Variants in ATF6 observed in about 807,000 individuals in gnomAD.
ATF6 encodes activating transcription factor 6.
ATF6 carries 53 observed loss-of-function variants against 83.6 expected under a neutral mutation model. The ratio of observed to expected loss-of-function variants is 0.63; its 90% confidence interval spans 0.51 to 0.80. The LOEUF (loss-of-function observed/expected upper bound fraction) is 0.80. Among genes scored for constraint, ATF6 ranks in the 30% least tolerant of loss-of-function variants. The probability of loss-of-function intolerance (pLI) is 0.00; values close to 1 mark genes in which losing one functional copy is unlikely to be tolerated. For missense variants in ATF6, 744 were observed against 797.9 expected, an observed-to-expected ratio of 0.93 and a Z score of 0.81; for synonymous variants, 288 against 285.8, an observed-to-expected ratio of 1.01 and a Z score of -0.08.
rs1299277099 is a variant in ATF6 at position 161,802,180 on chromosome 1, G to A, written c.817G>A (p.Val273Ile). Reference protein sequence around the residue: ...TQLPNHVVNVVPAPSANSPVN... With the variant: ...TQLPNHVVNVIPAPSANSPVN... ...GCTCCCTAATCACGTGGTGAATGTG[G>A]TACCAGCCCCTTCAGCGAATAGCCC... Residue 273 changes from valine (V) to isoleucine (I), a missense_variant, in exon 7 of 16, where the codon GTA becomes ATA. Transcript: ENST00000367942. The A allele has an allele frequency of 5.6e-6, 9 of 1,614,072 alleles. No individual in the cohort carries two copies. Among genetic ancestry groups the A allele is most frequent in the Non-Finnish European group, 6.8e-6 (8 of 1,180,016 alleles).
At chr1:161,798,867 T>C (rs1349740727) in intron 6 of ATF6, among the ~76,000 whole-genome samples, 1 of 152,110 alleles carries the variant, frequency 6.6e-6, no homozygotes, top group African/African-American at 2.4e-5. Context: ...CACTAATCAT[T>C]AGAGAAATGT....
At chr1:161,804,180 A>G (rs1209423594) in intron 7 of ATF6, among the ~76,000 whole-genome samples, 1 of 152,084 alleles carries the variant, frequency 6.6e-6, no homozygotes, top group Admixed American at 6.6e-5. Flanking sequence ...TGTTTCTTAT[A>G]TAATACCCCC....
intron 11 of ATF6, among the ~76,000 whole-genome samples, chr1:161,852,781 T>G (rs1686661975): frequency 6.6e-6 from 1 of 152,048 alleles, no homozygotes; most frequent in Non-Finnish European, 1.5e-5. Flanking sequence ...CCCAGTTAAT[T>G]TTTTAAAAAA....
At chr1:161,830,202 CTTCAAAG>C (rs1686017873) in intron 9 of ATF6, among the ~76,000 whole-genome samples, 1 of 152,178 alleles carries the variant, frequency 6.6e-6, no homozygotes, top group African/African-American at 2.4e-5. Flanking sequence ...TTCACAATTG[CTTCAAAG>C]AGAATAAAAT....
chr1:161,963,084 A>G lies in ATF6; in HGVS notation c.*4430A>G, dbSNP rs1360510270. ...GATTGGGATTGATTTTTAATTTCCTAGGAAACAATACTAGACTACCCAAAA... is the reference window on the plus strand; with the variant it reads ...GATTGGGATTGATTTTTAATTTCCTGGGAAACAATACTAGACTACCCAAAA... On this transcript the variant is annotated 3_prime_UTR_variant, in exon 16 of 16. Transcript: ENST00000367942. The G allele has an allele frequency of 1.3e-5, 2 of 152,228 alleles. No individual in the cohort carries two copies. Among genetic ancestry groups the G allele is most frequent in the Non-Finnish European group, 2.9e-5 (2 of 68,030 alleles). 9.4% of individuals were successfully genotyped at this position (152,228 alleles called of 1,614,324 possible). A position where few individuals can be genotyped will look rare whatever the true frequency, so the allele number is the denominator to read the frequency against.
intron 14 of ATF6, among the ~76,000 whole-genome samples, chr1:161,898,462 A>T (rs989144005): frequency 1.3e-5 from 2 of 152,200 alleles, no homozygotes; most frequent in African/African-American, 4.8e-5. Context: ...TGAACACTCA[A>T]TTAAATCCCC....
chr1:161,766,778 A>G (rs6656956), intron 1 of ATF6, among the ~76,000 whole-genome samples: 1,999 of 152,360 alleles, frequency 0.013, 51 homozygotes, highest in African/African-American at 0.045. Flanking sequence ...AAAGGCTACA[A>G]GCTATTTCCT....
Position 161,821,122 on chromosome 1 carries a change from T to C in ATF6, c.1148T>C (p.Ile383Thr), listed in dbSNP as rs867820530. The change falls in exon 9 of 16, where the codon ATA becomes ACA. Residue 383 changes from isoleucine to threonine, a missense_variant. By Grantham distance (89) the Ile-to-Thr change is moderately conservative (BLOSUM62 -1). Coordinates refer to ENST00000367942, the MANE Select transcript of ATF6 (RefSeq NM_007348.4). ...SPKRRVVCVM[I>T]VLAFIILNYG... ...AAGCGAAGAGTTGTCTGTGTGATGA[T>C]AGTATTGGCATTTATAATACTGAAC... The C allele has an allele frequency of 2.5e-6, 4 of 1,613,202 alleles. No individual in the cohort carries two copies. The Middle Eastern group carries it at 6.6e-4, about 266-fold the overall frequency.
chr1:161,831,087 C>G (rs1158540254), intron 9 of ATF6, among the ~76,000 whole-genome samples: 1 of 152,206 alleles, frequency 6.6e-6, no homozygotes, highest in South Asian at 2.1e-4. Context: ...ACAAAGAACT[C>G]AAACAAATTT....
At chr1:161,877,412 G>C (rs1181166376) in intron 14 of ATF6, among the ~76,000 whole-genome samples, 1 of 152,056 alleles carries the variant, frequency 6.6e-6, no homozygotes, top group Non-Finnish European at 1.5e-5. Context: ...TCAAACATGG[G>C]GGGAATTCAA....
chr1:161,768,554 TTTG>T (rs796902735), intron 1 of ATF6, among the ~76,000 whole-genome samples: 134 of 152,100 alleles, frequency 8.8e-4, no homozygotes, highest in African/African-American at 3.0e-3. Flanking sequence ...TTTACTTGAT[TTTG>T]TTGTTGTTGT....
intron 9 of ATF6, among the ~76,000 whole-genome samples, chr1:161,841,946 A>G (rs1006054415): frequency 3.3e-5 from 5 of 152,206 alleles, no homozygotes; most frequent in South Asian, 4.1e-4. Context: ...GCCTGTTAAC[A>G]GCCATGAATT....
intron 15 of ATF6, among the ~76,000 whole-genome samples, chr1:161,938,375 G>C (rs1688578757): frequency 6.6e-6 from 1 of 152,230 alleles, no homozygotes; most frequent in South Asian, 2.1e-4. Flanking sequence ...AGTATTGTGT[G>C]TGAAGAGTTA....
intron 14 of ATF6, 22 bp downstream of exon 14, chr1:161,863,334 A>G (rs1686925451): frequency 2.0e-6 from 3 of 1,506,604 alleles, no homozygotes; most frequent in South Asian, 1.1e-5. Flanking sequence ...TTGAAAGAAT[A>G]GAGCAAATAT....
chr1:161,926,363 G>C (rs1688308446), intron 15 of ATF6, among the ~76,000 whole-genome samples: 1 of 152,134 alleles, frequency 6.6e-6, no homozygotes, highest in Non-Finnish European at 1.5e-5. Flanking sequence ...GGGTGATTCT[G>C]CTTCCGGATC....
intron 7 of ATF6, among the ~76,000 whole-genome samples, chr1:161,817,571 GAT>G (rs1685643172): frequency 2.0e-5 from 3 of 152,092 alleles, no homozygotes; most frequent in Non-Finnish European, 4.4e-5. Flanking sequence ...TTAAGAGTGA[GAT>G]AGTTATTCTT....
chr1:161,870,948 A>G (rs911664058), intron 14 of ATF6, among the ~76,000 whole-genome samples: 3 of 151,778 alleles, frequency 2.0e-5, no homozygotes, highest in East Asian at 3.9e-4. Flanking sequence ...TTTCATATGC[A>G]TTTGTTTAAT....
intron 15 of ATF6, among the ~76,000 whole-genome samples, chr1:161,946,232 C>T (rs1277755737): frequency 6.6e-6 from 1 of 152,142 alleles, no homozygotes; most frequent in Non-Finnish European, 1.5e-5. Flanking sequence ...TGGGCTCAAG[C>T]AGTCTGCCTG....
At chr1:161,853,198 T>G in intron 11 of ATF6, 26 bp from the exon 12 acceptor site, 4 of 1,397,446 alleles carry the variant, frequency 2.9e-6, no homozygotes, top group Non-Finnish European at 4.0e-6. Flanking sequence ...ATTTCTATGT[T>G]TAATTAATTA....
Sources: gnomAD v4.1 joint callset for allele counts (sites outside exome capture counted in the v4.1 genomes callset) on GRCh38, gnomAD v4.1.1 for gene constraint, MANE v1.5 for transcripts, NCBI Gene and HGNC (gene_info 2026-07-23, HGNC 2026-07-21) for gene names.